PRKCE: variants seen among roughly 807,000 people sequenced by gnomAD.
The protein encoded by PRKCE is protein kinase C epsilon type.
A neutral mutation model predicts 85.4 loss-of-function variants in PRKCE; 16 were observed. The observed-to-expected ratio is 0.19, with a 90% CI of 0.13 to 0.28. The LOEUF (loss-of-function observed/expected upper bound fraction) is 0.28. PRKCE is among the 10% of genes least tolerant of loss of function. The pLI, the probability that PRKCE is intolerant of heterozygous loss-of-function variation, is 1.00. For synonymous variants in PRKCE, 388 were observed against 371.5 expected (o/e 1.04, Z -0.51); for missense variants, 573 against 975.2 (o/e 0.59, Z 5.49).
intron 10 of PRKCE, chr2:46,010,856 A>G: frequency 6.6e-7 from 1 of 1,523,808 alleles, no homozygotes; most frequent in Non-Finnish European, 8.8e-7. Flanking sequence ...CACTAATCAA[A>G]TCACTTAACT....
At chr2:45,914,111 C>G (rs1697577974) in intron 2 of PRKCE, among the ~76,000 whole-genome samples, 1 of 152,196 alleles carries the variant, frequency 6.6e-6, no homozygotes, top group Non-Finnish European at 1.5e-5. Flanking sequence ...ACATTCTAGT[C>G]TTCACATAAC....
chr2:46,090,418 A>G (rs919097210), intron 11 of PRKCE, among the ~76,000 whole-genome samples: 11 of 151,960 alleles, frequency 7.2e-5, no homozygotes, highest in South Asian at 4.2e-4. Context: ...TCCCTCTGCC[A>G]CCCTTGGGTT....
chr2:46,098,300 C>T (rs1338010759), intron 11 of PRKCE, among the ~76,000 whole-genome samples: 1 of 151,822 alleles, frequency 6.6e-6, no homozygotes, highest in African/African-American at 2.4e-5. Context: ...GTTCCTTCAT[C>T]TGTTAAATGG....
chr2:46,161,681 A>G (rs536680485), intron 14 of PRKCE, among the ~76,000 whole-genome samples: 15 of 152,094 alleles, frequency 9.9e-5, no homozygotes, highest in Admixed American at 8.5e-4. Flanking sequence ...GGGGGTTTTT[A>G]TTGAGAGGCC....
intron 2 of PRKCE, among the ~76,000 whole-genome samples, chr2:45,846,481 C>T (rs1405856684): frequency 6.6e-6 from 1 of 152,106 alleles, no homozygotes; most frequent in African/African-American, 2.4e-5. Context: ...ATGTTTGGAT[C>T]ACCAAACTGT....
At chr2:46,006,976 T>C (rs751407827) in intron 8 of PRKCE, among the ~76,000 whole-genome samples, 5 of 152,244 alleles carry the variant, frequency 3.3e-5, no homozygotes, top group Non-Finnish European at 7.3e-5. Context: ...GGTTTCTACC[T>C]TCAGTGATCA....
At chr2:45,790,681 C>T (rs1467200133) in intron 1 of PRKCE, among the ~76,000 whole-genome samples, 3 of 152,220 alleles carry the variant, frequency 2.0e-5, no homozygotes, top group South Asian at 4.1e-4. Flanking sequence ...TAACCCTTCA[C>T]GTTTTTCTTC....
chr2:45,671,199 G>C (rs1268563770), intron 1 of PRKCE, among the ~76,000 whole-genome samples: 1 of 152,158 alleles, frequency 6.6e-6, no homozygotes. Context: ...GTTTTCTTTT[G>C]ATTCTCCCAT....
intron 11 of PRKCE, among the ~76,000 whole-genome samples, chr2:46,132,629 C>T (rs919703382): frequency 2.0e-5 from 3 of 152,160 alleles, no homozygotes; most frequent in African/African-American, 7.2e-5. Flanking sequence ...TCCATCAAAC[C>T]ACAGGTCTAG....
chr2:45,734,949 T>G (rs938299326), intron 1 of PRKCE, among the ~76,000 whole-genome samples: 3 of 152,254 alleles, frequency 2.0e-5, no homozygotes, highest in Non-Finnish European at 4.4e-5. Context: ...CTAGGACTTT[T>G]GTTACAGCTG....
chr2:45,688,935 A>G (rs1022417221), intron 1 of PRKCE, among the ~76,000 whole-genome samples: 6 of 152,210 alleles, frequency 3.9e-5, no homozygotes, highest in African/African-American at 1.4e-4. Flanking sequence ...TCCACAACAT[A>G]AGAGACTTGA....
chr2:46,120,158 C>A (rs1673170481), intron 11 of PRKCE, among the ~76,000 whole-genome samples: 1 of 152,230 alleles, frequency 6.6e-6, no homozygotes, highest in African/African-American at 2.4e-5. Context: ...AGAGGAAACG[C>A]ACTGACCTCA....
chr2:45,992,421 C>G (rs1703876956), intron 6 of PRKCE, among the ~76,000 whole-genome samples: 1 of 152,122 alleles, frequency 6.6e-6, no homozygotes, highest in Admixed American at 6.5e-5. Flanking sequence ...CCAGCATGAC[C>G]CCAGGGGGGC....
chr2:45,956,791 C>T (rs1012211317), intron 2 of PRKCE, among the ~76,000 whole-genome samples: 3 of 152,212 alleles, frequency 2.0e-5, no homozygotes, highest in Non-Finnish European at 4.4e-5. Flanking sequence ...TGCATGTTCA[C>T]CAGCACTTCA....
chr2:45,978,338 G>C (rs561515738), intron 3 of PRKCE: 1 of 152,290 alleles, frequency 6.6e-6, no homozygotes, highest in Non-Finnish European at 1.5e-5. Context: ...ACCATCTGTA[G>C]TTAGTACACT....
intron 1 of PRKCE, among the ~76,000 whole-genome samples, chr2:45,706,241 C>T (rs1336665370): frequency 1.3e-5 from 2 of 152,092 alleles, no homozygotes; most frequent in Admixed American, 1.3e-4. Context: ...TTGTAGTTGG[C>T]AAGAGAAAGA....
intron 11 of PRKCE, among the ~76,000 whole-genome samples, chr2:46,130,100 T>C (rs530645797): frequency 6.6e-6 from 1 of 152,216 alleles, no homozygotes; most frequent in Non-Finnish European, 1.5e-5. Flanking sequence ...TTCTTGTGTA[T>C]TCTTAAGGTT....
chr2:45,721,553 C>T (rs374251040), intron 1 of PRKCE, among the ~76,000 whole-genome samples: 2 of 152,040 alleles, frequency 1.3e-5, no homozygotes, highest in African/African-American at 2.4e-5. Flanking sequence ...AGAAAAGCAG[C>T]ATAGTCCCAA....
intron 10 of PRKCE, among the ~76,000 whole-genome samples, chr2:46,020,542 T>G (rs1188257886): frequency 1.3e-5 from 2 of 152,214 alleles, no homozygotes; most frequent in Non-Finnish European, 2.9e-5. Context: ...AATGGAATTT[T>G]GGAAGCAGAT....
Sources: gnomAD v4.1 joint callset for allele counts (sites outside exome capture counted in the v4.1 genomes callset) on GRCh38, gnomAD v4.1.1 for gene constraint, MANE v1.5 for transcripts, NCBI Gene and HGNC (gene_info 2026-07-23, HGNC 2026-07-21) for gene names.